CEP112: variants seen among roughly 807,000 people sequenced by gnomAD.
CEP112 encodes the protein centrosomal protein 112, also known as centrosomal protein of 112 kDa.
CEP112 carries 127 observed loss-of-function variants against 153.0 expected under a neutral mutation model. The ratio of observed to expected loss-of-function variants is 0.83; its 90% CI spans 0.72 to 0.96. CEP112 has a LOEUF of 0.96. Among genes scored for constraint, CEP112 ranks in the 40% least tolerant of loss-of-function variants. CEP112 has a pLI of 0.00. For missense variants in CEP112, 1,089 were observed against 1,101.2 expected, an observed-to-expected ratio of 0.99 and a Z score of 0.16; for synonymous variants, 358 against 374.4, an observed-to-expected ratio of 0.96 and a Z score of 0.51.
At chr17:65,794,749 C>A (rs2054805781) in intron 21 of CEP112, among the ~76,000 whole-genome samples, 1 of 152,204 alleles carries the variant, frequency 6.6e-6, no homozygotes, top group African/African-American at 2.4e-5. Flanking sequence ...CCTTTCCTTT[C>A]CACCCACACC....
intron 24 of CEP112, among the ~76,000 whole-genome samples, chr17:65,680,190 C>A (rs2047446319): frequency 6.6e-6 from 1 of 152,092 alleles, no homozygotes; most frequent in Admixed American, 6.6e-5. Flanking sequence ...CTTTTTGGTG[C>A]TATAATGTCT....
intron 21 of CEP112, among the ~76,000 whole-genome samples, chr17:65,792,954 G>T (rs866592910): frequency 4.5e-4 from 68 of 152,096 alleles, no homozygotes; most frequent in African/African-American, 1.6e-3. Context: ...ATACACGATT[G>T]AACACCTCTT....
chr17:65,988,241 TAAGA>T (rs1208494803), intron 17 of CEP112, among the ~76,000 whole-genome samples: 3 of 152,034 alleles, frequency 2.0e-5, no homozygotes, highest in African/African-American at 7.2e-5. Context: ...TCTAGCGAGA[TAAGA>T]AAGAAAGAAA....
chr17:65,976,713 T>A (rs532864481), intron 17 of CEP112, among the ~76,000 whole-genome samples: 26 of 149,596 alleles, frequency 1.7e-4, no homozygotes, highest in Non-Finnish European at 3.4e-4. Context: ...ATCTATTTTT[T>A]AAAGTAAACT....
At chr17:66,092,185 G>A (rs2068162901) in intron 8 of CEP112, among the ~76,000 whole-genome samples, 1 of 151,470 alleles carries the variant, frequency 6.6e-6, no homozygotes, top group South Asian at 2.1e-4. Context: ...GATTACAGGT[G>A]CACACCACCA....
chr17:65,961,720 C>A (rs906525155), intron 17 of CEP112, 122 bp from the exon 18 acceptor site: 3 of 847,482 alleles, frequency 3.5e-6, no homozygotes, highest in Non-Finnish European at 5.2e-6. Context: ...CCAAATCCTA[C>A]AAAACTTCCC....
chr17:65,957,118 A>G (rs2062028933), intron 18 of CEP112, among the ~76,000 whole-genome samples: 1 of 152,200 alleles, frequency 6.6e-6, no homozygotes, highest in Non-Finnish European at 1.5e-5. Flanking sequence ...TTTCCATTTA[A>G]TATTTTTGGA....
At chr17:66,073,250 T>G (rs1379188495) in intron 8 of CEP112, among the ~76,000 whole-genome samples, 1 of 152,158 alleles carries the variant, frequency 6.6e-6, no homozygotes, top group Non-Finnish European at 1.5e-5. Context: ...GGTAATGCAG[T>G]ACTGTGATCC....
intron 6 of CEP112, among the ~76,000 whole-genome samples, chr17:66,121,263 C>T (rs949512004): frequency 2.3e-4 from 34 of 147,348 alleles, no homozygotes; most frequent in African/African-American, 7.5e-4. Context: ...GCAACATGAG[C>T]GACACTTCGT....
intron 21 of CEP112, among the ~76,000 whole-genome samples, chr17:65,822,687 T>C (rs1431152667): frequency 7.2e-5 from 11 of 152,200 alleles, no homozygotes; most frequent in Non-Finnish European, 1.3e-4. Flanking sequence ...TAGATTTGTT[T>C]TGAGGAGTCA....
chr17:65,835,358 TAATC>T (rs1012999425), intron 21 of CEP112, among the ~76,000 whole-genome samples: 63 of 152,134 alleles, frequency 4.1e-4, no homozygotes, highest in African/African-American at 1.4e-3. Flanking sequence ...CAGGAAGAAG[TAATC>T]AATCAAATTT....
intron 24 of CEP112, 29 bp downstream of exon 24, chr17:65,689,100 A>C: frequency 6.7e-7 from 1 of 1,491,292 alleles, no homozygotes; most frequent in Non-Finnish European, 9.4e-7. Context: ...AAAGTAAACA[A>C]GAGAGTCAAA....
In CEP112 at chr17:66,033,739, TTTTC is replaced by T. The variant is rs1263491041; in HGVS notation, c.1219-3720_1219-3717del. ...GTGGCCTCTTACCCTTTCTTTTGCT[TTTTC>T]TTTCTTTGTTGTTTGTTTTCCACAA... On this transcript the variant is annotated intron_variant, in intron 12 of 26. Coordinates refer to ENST00000535342, the MANE Select transcript of CEP112 (RefSeq NM_001199165.4). Among the ~76,000 whole-genome samples, 5 of 152,364 alleles carry T rather than the reference TTTTC, an allele frequency of 3.3e-5. No individual in the cohort carries two copies. In the South Asian group the frequency reaches 1.0e-3, roughly 32 times the overall value.
chr17:66,132,334 T>C (rs1378685382), intron 5 of CEP112, among the ~76,000 whole-genome samples: 1 of 152,116 alleles, frequency 6.6e-6, no homozygotes, highest in East Asian at 1.9e-4. Flanking sequence ...CCTACTTCAC[T>C]ACAAGTTAAT....
At chr17:65,689,060 A>C (rs566492376) in intron 24 of CEP112, 69 bp downstream of exon 24, 1 of 1,138,394 alleles carries the variant, frequency 8.8e-7, no homozygotes, top group East Asian at 2.4e-5. Flanking sequence ...GAGCCACTGC[A>C]CCTGGCTGCA....
At chr17:66,161,482 C>T (rs2071702625) in intron 4 of CEP112, among the ~76,000 whole-genome samples, 1 of 152,082 alleles carries the variant, frequency 6.6e-6, no homozygotes, top group African/African-American at 2.4e-5. Flanking sequence ...CACATATACA[C>T]CATGGAATAC....
intron 21 of CEP112, among the ~76,000 whole-genome samples, chr17:65,794,431 A>G (rs1484852100): frequency 6.6e-6 from 1 of 151,888 alleles, no homozygotes; most frequent in East Asian, 1.9e-4. Context: ...TTCCCTCTAT[A>G]ATGCATTTAA....
chr17:65,659,081 C>T (rs1006309440), intron 24 of CEP112, among the ~76,000 whole-genome samples: 3 of 150,722 alleles, frequency 2.0e-5, no homozygotes, highest in Non-Finnish European at 2.9e-5. Flanking sequence ...ATATCACCAC[C>T]GCATAGGAAA....
At chr17:66,189,948 C>G (rs1238191222) in intron 1 of CEP112, among the ~76,000 whole-genome samples, 13 of 152,146 alleles carry the variant, frequency 8.5e-5, no homozygotes, top group Non-Finnish European at 1.3e-4. Flanking sequence ...GGGAGGATCA[C>G]TTGAGCCCAA....
Sources: allele counts gnomAD v4.1 joint callset (sites outside exome capture counted in the v4.1 genomes callset), GRCh38; gene constraint gnomAD v4.1.1; transcripts MANE v1.5; gene names NCBI Gene and HGNC (gene_info 2026-07-23, HGNC 2026-07-21).